Variants in ERO1B observed in about 807,000 individuals in gnomAD.
The protein encoded by ERO1B is ERO1-like protein beta.
ERO1B carries 49 observed loss-of-function variants against 75.3 expected under a neutral mutation model. That is an observed-to-expected ratio of 0.65 (90% confidence interval 0.52 to 0.83). The LOEUF is 0.83. ERO1B is among the 40% of genes least tolerant of loss of function. The pLI is 0.00. For synonymous variants in ERO1B, 191 were observed against 192.9 expected, an observed-to-expected ratio of 0.99 and a Z score of 0.08; for missense variants, 512 against 560.1, an observed-to-expected ratio of 0.91 and a Z score of 0.87.
intron 5 of ERO1B, among the ~76,000 whole-genome samples, chr1:236,248,564 CAGTTA>C (rs879825488): frequency 3.9e-5 from 6 of 152,052 alleles, no homozygotes; most frequent in Non-Finnish European, 8.8e-5. Flanking sequence ...AATCATTCAT[CAGTTA>C]AAAGAATAAA....
At chr1:236,234,759 A>G (rs138226658) in intron 8 of ERO1B, among the ~76,000 whole-genome samples, 2 of 152,314 alleles carry the variant, frequency 1.3e-5, no homozygotes, top group African/African-American at 4.8e-5. Flanking sequence ...AGGAAATCAA[A>G]TTTCTTAAAA....
At position 236,216,348 on chromosome 1, in the gene ERO1B, A is replaced by G. The variant is rs1160524207; in HGVS notation, c.*2168T>C. The stretch of plus-strand genomic sequence containing the variant: ...GACAAAAGATGTGAATTGGAAAAAC[A>G]GTTTAGATCACAAGAACCATAAAAT... On this transcript the variant is annotated 3_prime_UTR_variant, in exon 16 of 16. Coordinates refer to ENST00000354619, the MANE Select transcript of ERO1B (RefSeq NM_019891.4). 1 of 152,172 alleles carries G rather than the reference A, an allele frequency of 6.6e-6. No individual in the cohort carries two copies. 9.4% of individuals were successfully genotyped at this position (152,172 alleles called of 1,614,324 possible).
chr1:236,270,841 G>C (rs962905079), intron 1 of ERO1B, among the ~76,000 whole-genome samples: 1 of 152,174 alleles, frequency 6.6e-6, no homozygotes, highest in Non-Finnish European at 1.5e-5. Context: ...TGTTGCCAGG[G>C]ATTAGGGACT....
chr1:236,225,070 C>G lies in ERO1B; in HGVS notation c.1122G>C (p.Lys374Asn), dbSNP rs752101923. 1 of 1,613,744 alleles carries G rather than the reference C, an allele frequency of 6.2e-7. No individual in the cohort carries two copies. Reference sequence around the variant, plus strand: ...CGTGTCCCAATCGAGAACTTTTTACCTTTAGTGACTTGGCCCCTTTTTTGT... The same window carrying G: ...CGTGTCCCAATCGAGAACTTTTTACGTTTAGTGACTTGGCCCCTTTTTTGT... ...AGDKKGAKSL[K>N]EEFRLHFKNI... Residue 374 changes from lysine to asparagine, a missense_variant and splice_region_variant, in exon 13 of 16, where the codon AAG (lysine) becomes AAC (asparagine). Lys to Asn is a moderately conservative substitution (Grantham distance 94). Transcript: ENST00000354619.
chr1:236,233,588 ACT>A (rs1664468547), intron 8 of ERO1B, among the ~76,000 whole-genome samples: 1 of 150,384 alleles, frequency 6.6e-6, no homozygotes, highest in South Asian at 2.1e-4. Context: ...ACAGAGTGCG[ACT>A]CTGTCTCAAG....
In ERO1B at chr1:236,243,505, G is replaced by C. The variant is rs1256068198; in HGVS notation, c.432-10C>G. 5.1e-6 allele frequency: 8 copies of C among 1,580,988 alleles called. No homozygotes were observed. The highest frequency in any genetic ancestry group is 6.9e-6 in the Non-Finnish European group (8 of 1,162,978). ...TTCTTTGCTTTGATTACTATGGGAA[G>C]GAGGAATAAAAAAGAAAAATTATTA... is the stretch of plus-strand genomic sequence containing the variant. On this transcript the variant is annotated splice_polypyrimidine_tract_variant and intron_variant, in intron 5 of 15. Coordinates refer to ENST00000354619, the MANE Select transcript of ERO1B (RefSeq NM_019891.4).
chr1:236,245,702 C>T (rs1007316014), intron 5 of ERO1B, among the ~76,000 whole-genome samples: 3 of 146,782 alleles, frequency 2.0e-5, no homozygotes, highest in Non-Finnish European at 3.0e-5. Flanking sequence ...TCTCCTGCCT[C>T]ACCCTCCTGA....
At chr1:236,223,617 C>T (rs577455785) in intron 13 of ERO1B, among the ~76,000 whole-genome samples, 3 of 152,330 alleles carry the variant, frequency 2.0e-5, no homozygotes, top group East Asian at 1.9e-4. Context: ...TCTTGACAAA[C>T]AGCAAACAAA....
chr1:236,262,406 T>A (rs1665312915), intron 2 of ERO1B, among the ~76,000 whole-genome samples: 1 of 152,190 alleles, frequency 6.6e-6, no homozygotes, highest in South Asian at 2.1e-4. Context: ...TCAGTCTTTT[T>A]TTGTTTGTTT....
At chr1:236,219,300 T>A (rs1664075667) in intron 15 of ERO1B, among the ~76,000 whole-genome samples, 2 of 152,132 alleles carry the variant, frequency 1.3e-5, no homozygotes, top group African/African-American at 4.8e-5. Flanking sequence ...TTCATACCAC[T>A]ACTAAAGGGC....
In ERO1B at chr1:236,220,862, T is replaced by C. The variant is rs773125067; in HGVS notation, c.1313A>G (p.Glu438Gly). The stretch of plus-strand genomic sequence containing the variant: ...AAAAGCATTTAAAAGAGCAACTATT[T>C]CCTGTCGGGTGAGTTGGAAGCCTTT... ...PSKGFQLTRQ[E>G]IVALLNAFGR... The change falls in exon 15 of 16, where the codon GAA becomes GGA. Residue 438 changes from glutamate to glycine, a missense_variant. Physicochemically the swap from Glu to Gly is moderately conservative, Grantham distance 98. Coordinates refer to ENST00000354619, the MANE Select transcript of ERO1B (RefSeq NM_019891.4). The C allele has an allele frequency of 8.2e-6, 13 of 1,585,872 alleles. No individual in the cohort carries two copies. The East Asian group carries it at 2.7e-4, about 33-fold the overall frequency.
At chr1:236,248,935 T>G (rs1361329811) in intron 5 of ERO1B, among the ~76,000 whole-genome samples, 1 of 152,180 alleles carries the variant, frequency 6.6e-6, no homozygotes, top group African/African-American at 2.4e-5. Context: ...GTTTATTATC[T>G]TTTATTTTCC....
chr1:236,215,990 A>G lies in ERO1B; in HGVS notation c.*2526T>C, dbSNP rs1282942793. 6.6e-6 allele frequency: 1 copy of G among 152,172 alleles called. No homozygotes were observed. Among genetic ancestry groups the G allele is most frequent in the Non-Finnish European group, 1.5e-5 (1 of 68,006 alleles). 9.4% of individuals were successfully genotyped at this position (152,172 alleles called of 1,614,324 possible). On this transcript the variant is annotated 3_prime_UTR_variant, in exon 16 of 16. Transcript: ENST00000354619. ...CAAAATAAAACGTTTTGACTTATCA[A>G]ATTTCAAAAGTGTGGAGTCTTATTC...
At chr1:236,252,607 T>C (rs1209867412) in intron 3 of ERO1B, among the ~76,000 whole-genome samples, 1 of 152,218 alleles carries the variant, frequency 6.6e-6, no homozygotes, top group Non-Finnish European at 1.5e-5. Flanking sequence ...TGCATGTAGC[T>C]GGAACATTCT....
At chr1:236,219,199 A>G (rs931624028) in intron 15 of ERO1B, among the ~76,000 whole-genome samples, 1 of 152,202 alleles carries the variant, frequency 6.6e-6, no homozygotes, top group Non-Finnish European at 1.5e-5. Flanking sequence ...TTATTCCTTA[A>G]TCACTTAGGA....
At chr1:236,222,648 C>T (rs567502669) in intron 13 of ERO1B, among the ~76,000 whole-genome samples, 1 of 152,302 alleles carries the variant, frequency 6.6e-6, no homozygotes, top group South Asian at 2.1e-4. Context: ...TTGTTATCTA[C>T]ATACAACCAA....
intron 3 of ERO1B, 21 bp downstream of exon 3, chr1:236,253,401 C>G (rs771625271): frequency 1.3e-6 from 2 of 1,491,722 alleles, no homozygotes; most frequent in Non-Finnish European, 1.9e-6. Context: ...TGGCTTTGCC[C>G]TGTTATTTTA....
intron 2 of ERO1B, among the ~76,000 whole-genome samples, chr1:236,259,607 T>C (rs2695065): frequency 0.25 from 37,736 of 151,984 alleles, 4,879 homozygotes; most frequent in East Asian, 0.38. Flanking sequence ...TCAGACAAAA[T>C]AGACTTTAAG....
In ERO1B at chr1:236,217,544, T is replaced by A. The variant is rs1160920968; in HGVS notation, c.*972A>T. On this transcript the variant is annotated 3_prime_UTR_variant, in exon 16 of 16. Coordinates refer to ENST00000354619, the MANE Select transcript of ERO1B (RefSeq NM_019891.4). ...TGCATAGATTGTATTCTAAAATAAATCCTTTAAAAATGCTTACTTTAAGTG... is the reference window on the plus strand; with the variant it reads ...TGCATAGATTGTATTCTAAAATAAAACCTTTAAAAATGCTTACTTTAAGTG... 1 of 152,578 alleles carries A rather than the reference T, an allele frequency of 6.6e-6. No individual in the cohort carries two copies. 9.5% of individuals were successfully genotyped at this position (152,578 alleles called of 1,614,324 possible). A position where few individuals can be genotyped will look rare whatever the true frequency, so the allele number is the denominator to read the frequency against.
Sources: allele counts gnomAD v4.1 joint callset (sites outside exome capture counted in the v4.1 genomes callset), GRCh38; gene constraint gnomAD v4.1.1; transcripts MANE v1.5; gene names NCBI Gene and HGNC (gene_info 2026-07-23, HGNC 2026-07-21).